Variants in MRAS observed in about 807,000 individuals in gnomAD.
MRAS encodes the protein muscle RAS oncogene homolog.
Under a neutral mutation model 20.9 loss-of-function variants are expected in MRAS, and 4 were observed. The observed-to-expected ratio is 0.19, with a 90% CI of 0.09 to 0.44. The LOEUF is 0.44. MRAS is among the 20% of genes least tolerant of loss of function. The probability of loss-of-function intolerance (pLI) is 0.99; values close to 1 mark genes in which losing one functional copy is unlikely to be tolerated. For missense variants in MRAS, 154 were observed against 277.5 expected (o/e 0.56, Z 3.16); for synonymous variants, 98 against 102.9 (o/e 0.95, Z 0.29).
chr3:138,359,130 T>C (rs955351185), intron 1 of MRAS, among the ~76,000 whole-genome samples: 5 of 152,278 alleles, frequency 3.3e-5, no homozygotes, highest in Non-Finnish European at 7.4e-5. Context: ...CTCGCAGGAA[T>C]GGAGCAGCAA....
chr3:138,350,652 A>G (rs1008509922), intron 1 of MRAS, among the ~76,000 whole-genome samples: 3 of 152,204 alleles, frequency 2.0e-5, no homozygotes, highest in African/African-American at 4.8e-5. Context: ...GTTTTCACCT[A>G]CATAAGACAC....
At chr3:138,363,831 C>CA (rs1467168399) in intron 1 of MRAS, among the ~76,000 whole-genome samples, 2 of 121,032 alleles carry the variant, frequency 1.7e-5, no homozygotes, top group African/African-American at 3.1e-5. Context: ...CCCCCCCCCC[C>CA]CCCAAACCAC....
intron 4 of MRAS, 98 bp from the exon 5 acceptor site, chr3:138,400,436 G>A: frequency 9.3e-7 from 1 of 1,070,764 alleles, no homozygotes; most frequent in South Asian, 1.3e-5. Flanking sequence ...GGTTTTGAAA[G>A]CACCTGGGTT....
intron 2 of MRAS, among the ~76,000 whole-genome samples, chr3:138,389,454 G>T (rs556363692): frequency 6.6e-6 from 1 of 150,544 alleles, no homozygotes; most frequent in South Asian, 2.1e-4. Flanking sequence ...TGAGGAGGAA[G>T]GGAGATGGAC....
intron 2 of MRAS, among the ~76,000 whole-genome samples, chr3:138,381,412 T>C (rs1320230889): frequency 2.0e-5 from 3 of 152,230 alleles, no homozygotes; most frequent in Non-Finnish European, 4.4e-5. Flanking sequence ...CTGCCGAGCG[T>C]GTCCTCCACC....
chr3:138,397,544 T>G, intron 3 of MRAS, 67 bp downstream of exon 3: 1 of 1,541,210 alleles, frequency 6.5e-7, no homozygotes, highest in Non-Finnish European at 8.9e-7. Context: ...GCGCTCTCTC[T>G]CTCTCTCTTT....
chr3:138,351,733 T>C (rs1427744177), intron 1 of MRAS, among the ~76,000 whole-genome samples: 1 of 152,232 alleles, frequency 6.6e-6, no homozygotes, highest in African/African-American at 2.4e-5. Flanking sequence ...CAGTGCCACT[T>C]CCAGCAAGTT....
At chr3:138,381,722 G>GCCTGT (rs2054909113) in intron 2 of MRAS, among the ~76,000 whole-genome samples, 1 of 152,190 alleles carries the variant, frequency 6.6e-6, no homozygotes, top group Non-Finnish European at 1.5e-5. Context: ...AAGAGCAAAA[G>GCCTGT]CCTGGCTCTT....
intron 1 of MRAS, among the ~76,000 whole-genome samples, chr3:138,363,524 C>G (rs1452397930): frequency 1.3e-5 from 2 of 152,160 alleles, no homozygotes; most frequent in Non-Finnish European, 2.9e-5. Flanking sequence ...CTGCCTGCCT[C>G]CCCCACAAAA....
chr3:138,367,652 C>T (rs1200323092), intron 1 of MRAS, among the ~76,000 whole-genome samples: 1 of 152,158 alleles, frequency 6.6e-6, no homozygotes, highest in African/African-American at 2.4e-5. Flanking sequence ...GGTAGAAGGC[C>T]GCACTGGGAA....
At chr3:138,347,956 G>A (rs1449232793), upstream of MRAS, 1 of 152,154 alleles carries the variant, frequency 6.6e-6, no homozygotes, top group Non-Finnish European at 1.5e-5. Context: ...TTTTTTAACG[G>A]GGGGAAAATG....
chr3:138,359,202 A>G (rs948941360), intron 1 of MRAS, among the ~76,000 whole-genome samples: 2 of 152,136 alleles, frequency 1.3e-5, no homozygotes. Context: ...AGATGTGAAA[A>G]GTAGCCTTCT....
intron 2 of MRAS, among the ~76,000 whole-genome samples, chr3:138,385,853 AT>A (rs2055001423): frequency 1.3e-5 from 2 of 152,146 alleles, no homozygotes; most frequent in African/African-American, 4.8e-5. Flanking sequence ...ATTACAGCAC[AT>A]TTACCTGCTG....
chr3:138,375,283 T>C (rs1380516324), intron 2 of MRAS, among the ~76,000 whole-genome samples: 1 of 152,256 alleles, frequency 6.6e-6, no homozygotes, highest in Non-Finnish European at 1.5e-5. Context: ...TTTGATTTGC[T>C]AAACTTTTGT....
At chr3:138,363,819 A>ACCCC (rs62977360) in intron 1 of MRAS, among the ~76,000 whole-genome samples, 10 of 32,980 alleles carry the variant, frequency 3.0e-4, no homozygotes, top group Non-Finnish European at 5.5e-4. Flanking sequence ...TAGAGGATTT[A>ACCCC]CCCCCCCCCC....
chr3:138,367,838 TA>T (rs1469336787), intron 1 of MRAS, among the ~76,000 whole-genome samples: 1 of 152,240 alleles, frequency 6.6e-6, no homozygotes, highest in African/African-American at 2.4e-5. Flanking sequence ...AAGAAGGTTC[TA>T]CCTATGGGGA....
intron 1 of MRAS, among the ~76,000 whole-genome samples, chr3:138,364,656 A>G (rs1233964867): frequency 6.6e-6 from 1 of 152,184 alleles, no homozygotes; most frequent in East Asian, 1.9e-4. Flanking sequence ...GGTGCTAGAA[A>G]ATAAGGGTTT....
intron 1 of MRAS, among the ~76,000 whole-genome samples, chr3:138,366,260 C>T (rs1336254051): frequency 6.6e-6 from 1 of 152,168 alleles, no homozygotes; most frequent in Non-Finnish European, 1.5e-5. Flanking sequence ...TGTCCTCATC[C>T]CCCTGGGTTG....
chr3:138,351,066 A>T (rs2054217534), intron 1 of MRAS, among the ~76,000 whole-genome samples: 1 of 152,060 alleles, frequency 6.6e-6, no homozygotes, highest in South Asian at 2.1e-4. Flanking sequence ...GGCTCCTGGG[A>T]TGACTGGTCC....
Sources: gnomAD v4.1 joint callset for allele counts (sites outside exome capture counted in the v4.1 genomes callset) on GRCh38, gnomAD v4.1.1 for gene constraint, MANE v1.5 for transcripts, NCBI Gene and HGNC (gene_info 2026-07-23, HGNC 2026-07-21) for gene names.